Variants in CYP19A1 observed in about 807,000 individuals in gnomAD.
CYP19A1 encodes cytochrome P450 family 19 subfamily A member 1, also known as aromatase.
In CYP19A1, 32 loss-of-function variants were observed where a neutral mutation model predicts 44.4. The observed-to-expected ratio is 0.72, with a 90% CI of 0.54 to 0.97. The LOEUF is 0.97. CYP19A1 is among the 50% of genes least tolerant of loss of function. The pLI is 0.00. For synonymous variants in CYP19A1, 212 were observed against 215.6 expected, an observed-to-expected ratio of 0.98 and a Z score of 0.14; for missense variants, 598 against 637.8, an observed-to-expected ratio of 0.94 and a Z score of 0.67.
chr15:51,225,097 A>G (rs2032460589), intron 4 of CYP19A1, among the ~76,000 whole-genome samples: 1 of 152,180 alleles, frequency 6.6e-6, no homozygotes. Context: ...CAGCATTACC[A>G]TCACCTAGGG....
chr15:51,227,862 T>A lies in CYP19A1; in HGVS notation c.368A>T (p.Gln123Leu). Residue 123 changes from glutamine to leucine, a missense_variant, in exon 4 of 10, where the codon CAG becomes CTG. Coordinates refer to ENST00000396402, the MANE Select transcript of CYP19A1 (RefSeq NM_000103.4). Reference sequence around the variant, plus strand: ...GCCTTTCTCATGCATACCGATGCACTGCAGCCCAAGTTTGCTGCCGAATCG... The same window carrying A: ...GCCTTTCTCATGCATACCGATGCACAGCAGCCCAAGTTTGCTGCCGAATCG... ...SSRFGSKLGLQCIGMHEKGII... is the reference protein window; with the variant it reads ...SSRFGSKLGLLCIGMHEKGII... The A allele has an allele frequency of 6.5e-7, 1 of 1,541,288 alleles. No individual in the cohort carries two copies. The highest frequency in any genetic ancestry group is 9.0e-7 in the Non-Finnish European group (1 of 1,113,634).
chr15:51,284,560 GTAA>G (rs1318582208), intron 1 of CYP19A1, among the ~76,000 whole-genome samples: 1 of 152,170 alleles, frequency 6.6e-6, no homozygotes, highest in African/African-American at 2.4e-5. Flanking sequence ...GATCAATATA[GTAA>G]TAATAGTAGA....
At chr15:51,221,944 T>TGTGTATATA (rs2032120119) in intron 5 of CYP19A1, 1 of 221,318 alleles carries the variant, frequency 4.5e-6, no homozygotes. Flanking sequence ...GGGAGGAGTG[T>TGTGTATATA]GTGTATATAT....
chr15:51,282,593 G>A (rs777596215), intron 1 of CYP19A1, among the ~76,000 whole-genome samples: 1 of 152,164 alleles, frequency 6.6e-6, no homozygotes, highest in East Asian at 1.9e-4. Context: ...TGGCCACCTG[G>A]ACCCACTTTC....
At chr15:51,265,969 T>G (rs977992848) in intron 1 of CYP19A1, among the ~76,000 whole-genome samples, 2 of 152,240 alleles carry the variant, frequency 1.3e-5, no homozygotes, top group African/African-American at 4.8e-5. Flanking sequence ...ATAAATCTAG[T>G]GATAGCTCCA....
intron 1 of CYP19A1, among the ~76,000 whole-genome samples, chr15:51,286,759 G>A (rs1303569361): frequency 6.6e-6 from 1 of 152,304 alleles, no homozygotes; most frequent in East Asian, 1.9e-4. Flanking sequence ...TACCTGTGCA[G>A]CAAGGCAATC....
At chr15:51,320,055 C>T (rs1432600068) in intron 1 of CYP19A1, among the ~76,000 whole-genome samples, 11 of 152,356 alleles carry the variant, frequency 7.2e-5, no homozygotes, top group African/African-American at 2.6e-4. Context: ...ATCATCCCCT[C>T]CTTTCACAGA....
At chr15:51,267,311 C>A (rs1472591658) in intron 1 of CYP19A1, among the ~76,000 whole-genome samples, 7 of 152,102 alleles carry the variant, frequency 4.6e-5, no homozygotes, top group African/African-American at 1.7e-4. Context: ...AGAATCTGCG[C>A]GGCCCAGTGC....
At chr15:51,323,156 C>T (rs552203172) in intron 1 of CYP19A1, among the ~76,000 whole-genome samples, 35 of 152,320 alleles carry the variant, frequency 2.3e-4, no homozygotes, top group African/African-American at 8.2e-4. Flanking sequence ...TCTCCCCAAA[C>T]CCCTACCACT....
At chr15:51,212,591 G>T (rs770681870) in intron 8 of CYP19A1, 30 bp from the exon 9 acceptor site, 3 of 1,361,744 alleles carry the variant, frequency 2.2e-6, no homozygotes, top group African/African-American at 1.4e-5. Context: ...GAACAAAGAA[G>T]GTAATGTTAG....
intron 3 of CYP19A1, among the ~76,000 whole-genome samples, chr15:51,232,974 G>C (rs1490829827): frequency 6.6e-6 from 1 of 152,194 alleles, no homozygotes; most frequent in Non-Finnish European, 1.5e-5. Context: ...GTACCCTATT[G>C]CTTCTCTCAT....
At chr15:51,292,001 CTG>C (rs746166353) in intron 1 of CYP19A1, among the ~76,000 whole-genome samples, 30 of 152,374 alleles carry the variant, frequency 2.0e-4, no homozygotes, top group African/African-American at 7.0e-4. Context: ...GTCCAACACA[CTG>C]TGACCTCTCG....
chr15:51,236,516 C>CA (rs1327837616), intron 3 of CYP19A1, among the ~76,000 whole-genome samples: 1 of 151,878 alleles, frequency 6.6e-6, no homozygotes, highest in African/African-American at 2.4e-5. Context: ...TGGTTAAGAC[C>CA]AAAAAACTTG....
chr15:51,307,275 G>A (rs1235903765), intron 1 of CYP19A1, among the ~76,000 whole-genome samples: 2 of 152,156 alleles, frequency 1.3e-5, no homozygotes, highest in African/African-American at 4.8e-5. Flanking sequence ...GGAGAAGGTG[G>A]CATTTGAACT....
At chr15:51,276,505 G>A (rs1455044140) in intron 1 of CYP19A1, among the ~76,000 whole-genome samples, 1 of 152,164 alleles carries the variant, frequency 6.6e-6, no homozygotes, top group Non-Finnish European at 1.5e-5. Context: ...AGTTAAAACT[G>A]AAAACATATC....
intron 6 of CYP19A1, among the ~76,000 whole-genome samples, chr15:51,217,963 A>G (rs990491057): frequency 4.6e-5 from 7 of 152,178 alleles, no homozygotes; most frequent in African/African-American, 1.7e-4. Context: ...GCATTTGTCC[A>G]GTTTTCTGCT....
intron 4 of CYP19A1, among the ~76,000 whole-genome samples, chr15:51,223,571 G>GCTCTCTCT (rs763852095): frequency 2.0e-4 from 22 of 110,602 alleles, no homozygotes; most frequent in Admixed American, 2.9e-4. Context: ...TCTCTCTCTT[G>GCTCTCTCT]CTCTCTCTCT....
At chr15:51,259,304 C>T (rs1459617389) in intron 1 of CYP19A1, among the ~76,000 whole-genome samples, 1 of 152,120 alleles carries the variant, frequency 6.6e-6, no homozygotes, top group African/African-American at 2.4e-5. Context: ...TCCTGGCATA[C>T]ACTACATTTA....
At chr15:51,272,585 A>C (rs991899994) in intron 1 of CYP19A1, among the ~76,000 whole-genome samples, 2 of 152,258 alleles carry the variant, frequency 1.3e-5, no homozygotes, top group African/African-American at 4.8e-5. Context: ...AGAACCTGGC[A>C]CAGAGAACTG....
Sources: gnomAD v4.1 joint callset for allele counts (sites outside exome capture counted in the v4.1 genomes callset) on GRCh38, gnomAD v4.1.1 for gene constraint, MANE v1.5 for transcripts, NCBI Gene and HGNC (gene_info 2026-07-23, HGNC 2026-07-21) for gene names.